Variants in TSNARE1 observed in about 807,000 individuals in gnomAD.
TSNARE1 encodes t-SNARE domain containing 1, also known as t-SNARE domain-containing protein 1.
In TSNARE1, 49 loss-of-function variants were observed where a neutral mutation model predicts 62.0. The observed-to-expected ratio is 0.79, with a 90% CI of 0.63 to 1.00. The LOEUF is 1.00. Among genes scored for constraint, TSNARE1 ranks in the 50% least tolerant of loss-of-function variants. The pLI is 0.00. For missense variants in TSNARE1, 755 were observed against 700.1 expected (o/e 1.08, Z -0.88); for synonymous variants, 328 against 294.4 (o/e 1.11, Z -1.17).
chr8:142,303,037 T>G (rs1350427729), intron 9 of TSNARE1, among the ~76,000 whole-genome samples: 1 of 152,124 alleles, frequency 6.6e-6, no homozygotes, highest in Non-Finnish European at 1.5e-5. Context: ...CCCGTGTGTG[T>G]GGGCATCTGG....
intron 10 of TSNARE1, among the ~76,000 whole-genome samples, chr8:142,288,287 A>G (rs184805473): frequency 6.6e-6 from 1 of 152,304 alleles, no homozygotes; most frequent in African/African-American, 2.4e-5. Context: ...GCCTCTGTGC[A>G]CACACGGCCA....
chr8:142,389,866 T>C (rs1564012897), intron 1 of TSNARE1, among the ~76,000 whole-genome samples: 1 of 152,248 alleles, frequency 6.6e-6, no homozygotes, highest in Non-Finnish European at 1.5e-5. Context: ...CTGAGGACTG[T>C]ATCATTAGAT....
intron 4 of TSNARE1, among the ~76,000 whole-genome samples, chr8:142,336,875 A>T (rs1012747926): frequency 1.3e-5 from 2 of 152,246 alleles, no homozygotes; most frequent in African/African-American, 4.8e-5. Context: ...TGAATGACAT[A>T]ATCATCTGAA....
intron 6 of TSNARE1, among the ~76,000 whole-genome samples, chr8:142,327,970 A>G (rs758891185): frequency 9.2e-5 from 14 of 151,908 alleles, no homozygotes; most frequent in Non-Finnish European, 1.9e-4. Flanking sequence ...CTACACCCTC[A>G]CCACACTGGG....
Position 142,284,545 on chromosome 8 carries a change from C to G in TSNARE1, c.1291-60G>C, listed in dbSNP as rs369277435. The stretch of plus-strand genomic sequence containing the variant: ...GGCTGTGGGGCAGACACCAAGGGCA[C>G]CTGAAAGTTTCCCATGGAACCTGGG... On this transcript the variant is annotated intron_variant, in intron 10 of 13. Transcript: ENST00000524325. The G allele has an allele frequency of 2.1e-3, 2,671 of 1,300,378 alleles. 5 individuals are homozygous for G. Among genetic ancestry groups the G allele is most frequent in the Admixed American group, 3.8e-3 (168 of 44,050 alleles). 80.6% of individuals were successfully genotyped at this position (1,300,378 alleles called of 1,614,324 possible). A position where few individuals can be genotyped will look rare whatever the true frequency, so the allele number is the denominator to read the frequency against.
chr8:142,261,930 G>T (rs941731967), intron 12 of TSNARE1, among the ~76,000 whole-genome samples: 5 of 152,208 alleles, frequency 3.3e-5, no homozygotes, highest in African/African-American at 9.6e-5. Context: ...GGCCACAGCT[G>T]CCCAGGGCAT....
chr8:142,267,092 TTA>T (rs1239367776), intron 12 of TSNARE1, among the ~76,000 whole-genome samples: 1 of 152,226 alleles, frequency 6.6e-6, no homozygotes, highest in African/African-American at 2.4e-5. Flanking sequence ...AGAAATCATA[TTA>T]TATGTCTGAT....
chr8:142,232,291 G>T lies in TSNARE1; in HGVS notation c.1447-2712C>A, dbSNP rs989899414. Among the ~76,000 whole-genome samples the T allele has an allele frequency of 3.9e-5, 6 of 152,350 alleles. No homozygotes were observed. In the East Asian group the frequency reaches 1.2e-3, roughly 29 times the overall value. ...CAGACCCCAGGCAGCTGACAGGCCCGGCCTGGCCTCATACTCCTCTTCAGT... is the reference window on the plus strand; with the variant it reads ...CAGACCCCAGGCAGCTGACAGGCCCTGCCTGGCCTCATACTCCTCTTCAGT... On this transcript the variant is annotated intron_variant, in intron 12 of 13. Transcript: ENST00000524325.
chr8:142,273,513 G>A (rs1819938836), intron 12 of TSNARE1: 1 of 985,436 alleles, frequency 1.0e-6, no homozygotes. Context: ...CCCCAGCCTT[G>A]CCTCTGACCT....
chr8:142,222,729 C>T (rs1816433933), intron 13 of TSNARE1, among the ~76,000 whole-genome samples: 1 of 123,512 alleles, frequency 8.1e-6, no homozygotes, highest in African/African-American at 3.1e-5. Context: ...CTCACTCACT[C>T]ATCCACTCAC....
chr8:142,244,524 G>T (rs1189505773), intron 12 of TSNARE1, among the ~76,000 whole-genome samples: 1 of 152,190 alleles, frequency 6.6e-6, no homozygotes, highest in Non-Finnish European at 1.5e-5. Context: ...ACTCACCATC[G>T]TGAGGATAAG....
intron 12 of TSNARE1, among the ~76,000 whole-genome samples, chr8:142,255,893 C>T (rs62650730): frequency 1.5e-4 from 3 of 20,348 alleles, no homozygotes; most frequent in Non-Finnish European, 2.7e-4. Flanking sequence ...ACCACCACCA[C>T]CACCACTGTC....
chr8:142,233,976 G>C (rs59659264), intron 12 of TSNARE1, among the ~76,000 whole-genome samples: 2 of 152,188 alleles, frequency 1.3e-5, no homozygotes, highest in African/African-American at 2.4e-5. Flanking sequence ...GTGGAGCTGT[G>C]GGGGGCGGAT....
intron 10 of TSNARE1, among the ~76,000 whole-genome samples, chr8:142,294,651 C>G (rs1261347995): frequency 6.6e-6 from 1 of 152,220 alleles, no homozygotes; most frequent in African/African-American, 2.4e-5. Context: ...TGGGGCCGGT[C>G]AGCAGGGTCC....
At chr8:142,331,019 C>T (rs778430518) in intron 5 of TSNARE1, 49 bp from the exon 6 acceptor site, 2 of 1,559,472 alleles carry the variant, frequency 1.3e-6, no homozygotes, top group Non-Finnish European at 1.8e-6. Flanking sequence ...GCTTCCCTGC[C>T]CCCTGCTACT....
At chr8:142,368,708 C>G (rs955773552) in intron 1 of TSNARE1, among the ~76,000 whole-genome samples, 16 of 152,290 alleles carry the variant, frequency 1.1e-4, no homozygotes, top group African/African-American at 3.6e-4. Flanking sequence ...CCCTGGGGTG[C>G]AGGTGCCAGC....
intron 12 of TSNARE1, chr8:142,273,075 G>C: frequency 2.0e-6 from 2 of 985,398 alleles, no homozygotes; most frequent in Non-Finnish European, 1.2e-6. Flanking sequence ...CAGTGTGTCG[G>C]GGGGGCGGTG....
intron 11 of TSNARE1, chr8:142,275,567 C>T (rs1820331957): frequency 3.0e-6 from 3 of 985,434 alleles, no homozygotes; most frequent in Non-Finnish European, 3.6e-6. Flanking sequence ...ACACATGCCA[C>T]CTGGGCACCA....
intron 13 of TSNARE1, among the ~76,000 whole-genome samples, chr8:142,227,707 C>T (rs999555470): frequency 2.6e-5 from 4 of 152,236 alleles, no homozygotes; most frequent in African/African-American, 9.6e-5. Context: ...CTGGGGAGAC[C>T]CCAGGGATGC....
Sources: gnomAD v4.1 joint callset for allele counts (sites outside exome capture counted in the v4.1 genomes callset) on GRCh38, gnomAD v4.1.1 for gene constraint, MANE v1.5 for transcripts, NCBI Gene and HGNC (gene_info 2026-07-23, HGNC 2026-07-21) for gene names.